Variants in IQSEC1 observed in about 807,000 individuals in gnomAD.
The protein encoded by IQSEC1 is IQ motif and Sec7 domain ArfGEF 1.
A neutral mutation model predicts 91.0 loss-of-function variants in IQSEC1; 31 were observed. The observed-to-expected ratio is 0.34, with a 90% CI of 0.26 to 0.46. IQSEC1 has a LOEUF of 0.46. Ranked by LOEUF, IQSEC1 falls within the 20% of genes least tolerant of loss-of-function variation. The probability of loss-of-function intolerance (pLI) is 1.00; values close to 1 mark genes in which losing one functional copy is unlikely to be tolerated. For missense variants in IQSEC1, 1,388 were observed against 1,575.6 expected (o/e 0.88, Z 2.02); for synonymous variants, 699 against 662.6 (o/e 1.05, Z -0.84).
chr3:12,934,084 A>G (rs995458858), intron 3 of IQSEC1, among the ~76,000 whole-genome samples: 1 of 152,176 alleles, frequency 6.6e-6, no homozygotes, highest in African/African-American at 2.4e-5. Flanking sequence ...GACAGACTTC[A>G]GGGACCGTGT....
intron 1 of IQSEC1, among the ~76,000 whole-genome samples, chr3:13,037,598 G>A (rs1238368178): frequency 6.6e-6 from 1 of 152,174 alleles, no homozygotes; most frequent in Admixed American, 6.5e-5. Context: ...ATAGTGAACA[G>A]GTGGGAACAA....
chr3:13,084,513 G>A (rs1040391845), intron 2 of IQSEC1, among the ~76,000 whole-genome samples: 1 of 152,186 alleles, frequency 6.6e-6, no homozygotes, highest in African/African-American at 2.4e-5. Context: ...CTGCCTCGTG[G>A]GGCTGACCGT....
intron 3 of IQSEC1, among the ~76,000 whole-genome samples, chr3:12,925,749 T>G (rs1041618010): frequency 8.5e-5 from 13 of 152,170 alleles, no homozygotes; most frequent in African/African-American, 3.1e-4. Flanking sequence ...GGGCACGGCA[T>G]GTGTGTCGTG....
chr3:13,060,640 G>C (rs1705032964), intron 1 of IQSEC1, among the ~76,000 whole-genome samples: 1 of 152,228 alleles, frequency 6.6e-6, no homozygotes, highest in Non-Finnish European at 1.5e-5. Flanking sequence ...TAAGGAACAA[G>C]GACAGGACAG....
At chr3:13,068,359 G>C (rs1179719242) in intron 1 of IQSEC1, among the ~76,000 whole-genome samples, 4 of 152,214 alleles carry the variant, frequency 2.6e-5, no homozygotes, top group Admixed American at 1.3e-4. Flanking sequence ...CCCAGACAGG[G>C]TCTCTAAGTC....
chr3:13,060,002 C>T (rs768107229), intron 1 of IQSEC1, among the ~76,000 whole-genome samples: 7 of 152,180 alleles, frequency 4.6e-5, no homozygotes, highest in Middle Eastern at 3.2e-3. Flanking sequence ...AGGGATGAGG[C>T]GCCGGCTTGG....
At position 12,900,207 on chromosome 3, in the gene IQSEC1, A is replaced by T; in HGVS notation, c.*776T>A. 1.0e-6 allele frequency: 1 copy of T among 980,684 alleles called. No homozygotes were observed. The highest frequency in any genetic ancestry group is 1.2e-6 in the Non-Finnish European group (1 of 825,694). 60.7% of individuals were successfully genotyped at this position (980,684 alleles called of 1,614,324 possible). On this transcript the variant is annotated 3_prime_UTR_variant, in exon 14 of 14. Coordinates refer to ENST00000613206, the MANE Select transcript of IQSEC1 (RefSeq NM_001134382.3). ...AATACTGGACTTTTTAAACAGTTAG[A>T]TGCTATGTTACTTGGCACAGTTAGT...
At chr3:13,206,322 G>T (rs1011362679) in intron 1 of IQSEC1, among the ~76,000 whole-genome samples, 24 of 152,142 alleles carry the variant, frequency 1.6e-4, no homozygotes, top group Non-Finnish European at 1.8e-4. Flanking sequence ...GGTGGGGTGG[G>T]GGGCGCTGTA....
intron 1 of IQSEC1, among the ~76,000 whole-genome samples, chr3:13,267,466 C>T (rs915955920): frequency 2.6e-5 from 4 of 152,148 alleles, no homozygotes; most frequent in African/African-American, 4.8e-5. Flanking sequence ...AAATAAAAGC[C>T]GCGTTTTCCA....
chr3:13,008,266 G>A lies in IQSEC1; in HGVS notation c.23+64726C>T, dbSNP rs1045203170. Among the ~76,000 whole-genome samples the A allele has an allele frequency of 1.3e-5, 2 of 151,426 alleles. No homozygotes were observed. Among genetic ancestry groups the A allele is most frequent in the African/African-American group, 4.8e-5 (2 of 41,356 alleles). On this transcript the variant is annotated intron_variant, in intron 1 of 13. Transcript: ENST00000613206. The surrounding 1 kb of genome is among the most constrained non-coding windows in gnomAD (Gnocchi z 4.1). Reference sequence around the variant, plus strand: ...CAAGCTGGACACCTCTCCTTCCCGCGTCGAAGCTCAGAGGTGAGCCTCAGC... The same window carrying A: ...CAAGCTGGACACCTCTCCTTCCCGCATCGAAGCTCAGAGGTGAGCCTCAGC...
intron 2 of IQSEC1, among the ~76,000 whole-genome samples, chr3:13,139,046 T>C (rs1706757761): frequency 6.6e-6 from 1 of 152,010 alleles, no homozygotes; most frequent in South Asian, 2.1e-4. Flanking sequence ...GATAGTAGCA[T>C]CAGGAGTGAC....
Position 12,900,132 on chromosome 3 carries a change from A to G in IQSEC1, c.*851T>C. ...GCTTACCTGAAATAACAGCATTATA[A>G]TACTATTTATGATAGTATTCTGTTA... On this transcript the variant is annotated 3_prime_UTR_variant, in exon 14 of 14. Transcript: ENST00000613206. The G allele has an allele frequency of 2.1e-6, 2 of 974,160 alleles. No homozygotes were observed. The highest frequency in any genetic ancestry group is 2.4e-6 in the Non-Finnish European group (2 of 819,764). 60.3% of individuals were successfully genotyped at this position (974,160 alleles called of 1,614,324 possible).
At chr3:13,100,774 T>C (rs884466) in intron 2 of IQSEC1, among the ~76,000 whole-genome samples, 35,747 of 148,378 alleles carry the variant, frequency 0.24, 6,789 homozygotes, top group East Asian at 0.42. Context: ...GTCTGGGCCA[T>C]GGGGATTGAG....
At chr3:13,243,450 A>G (rs1304756370) in intron 1 of IQSEC1, among the ~76,000 whole-genome samples, 1 of 152,186 alleles carries the variant, frequency 6.6e-6, no homozygotes, top group Non-Finnish European at 1.5e-5. Flanking sequence ...CTTTGAGAAT[A>G]CACTGCAGAC....
chr3:13,114,169 A>C (rs542442502), intron 2 of IQSEC1, among the ~76,000 whole-genome samples: 1 of 152,296 alleles, frequency 6.6e-6, no homozygotes, highest in Admixed American at 6.5e-5. Flanking sequence ...TTTTGGCTTG[A>C]ATGAGTCTGA....
intron 2 of IQSEC1, 131 bp from the exon 3 acceptor site, chr3:12,936,828 G>T (rs935255857): frequency 1.3e-6 from 1 of 752,904 alleles, no homozygotes; most frequent in Non-Finnish European, 2.1e-6. Context: ...CAAAGCAACT[G>T]CTGAGGGATG....
intron 2 of IQSEC1, among the ~76,000 whole-genome samples, chr3:13,152,372 A>C (rs1449858514): frequency 6.6e-6 from 1 of 152,248 alleles, no homozygotes; most frequent in Non-Finnish European, 1.5e-5. Context: ...AATAAATATC[A>C]TATTGCTTTA....
intron 1 of IQSEC1, among the ~76,000 whole-genome samples, chr3:13,223,798 A>G (rs777242874): frequency 6.6e-6 from 1 of 152,158 alleles, no homozygotes; most frequent in African/African-American, 2.4e-5. Flanking sequence ...CCATCTCAGC[A>G]TTTTCTAAAT....
chr3:13,193,517 G>C lies in IQSEC1; in HGVS notation c.273-29384C>G, dbSNP rs1345813478. On this transcript the variant is annotated intron_variant, in intron 1 of 15. Coordinates refer to the IQSEC1 transcript ENST00000648114. The surrounding 1 kb of genome is among the most constrained non-coding windows in gnomAD (Gnocchi z 4.2). ...TGGTGACTGGGAACAAGGCACAGAG[G>C]GGACGAAGAGGAGTGCCAGCCCAGG... Among the ~76,000 whole-genome samples the C allele has an allele frequency of 6.6e-6, 1 of 152,152 alleles. No individual in the cohort carries two copies.
Sources: gnomAD v4.1 joint callset for allele counts (sites outside exome capture counted in the v4.1 genomes callset) on GRCh38, gnomAD v4.1.1 for gene constraint, Gnocchi (gnomAD v3.1) non-coding constraint, MANE v1.5 for transcripts, NCBI Gene and HGNC (gene_info 2026-07-23, HGNC 2026-07-21) for gene names.